PDE4D: variants seen among roughly 807,000 people sequenced by gnomAD.
PDE4D encodes 3',5'-cyclic-AMP phosphodiesterase 4D.
In PDE4D, 24 loss-of-function variants were observed where a neutral mutation model predicts 87.4. The ratio of observed to expected loss-of-function variants is 0.27; its 90% confidence interval spans 0.20 to 0.39. The LOEUF is 0.39. Ranked by LOEUF, PDE4D falls within the 10% of genes least tolerant of loss-of-function variation. The pLI, the probability that PDE4D is intolerant of heterozygous loss-of-function variation, is 1.00. For missense variants in PDE4D, 714 were observed against 1,041.0 expected, an observed-to-expected ratio of 0.69 and a Z score of 4.32; for synonymous variants, 384 against 383.2, an observed-to-expected ratio of 1.00 and a Z score of -0.02.
chr5:59,117,363 A>T (rs1268036952), intron 5 of PDE4D, among the ~76,000 whole-genome samples: 1 of 152,230 alleles, frequency 6.6e-6, no homozygotes, highest in Non-Finnish European at 1.5e-5. Flanking sequence ...ACTTTAATGT[A>T]ACAAAATGTA....
At chr5:59,122,259 C>T (rs1774671359) in intron 5 of PDE4D, among the ~76,000 whole-genome samples, 1 of 150,650 alleles carries the variant, frequency 6.6e-6, no homozygotes, top group Non-Finnish European at 1.5e-5. Flanking sequence ...TTTACAGCAA[C>T]ATGGATGGAA....
rs567664823 is a variant in PDE4D at position 59,275,276 on chromosome 5, C to T, written c.456-59308G>A. 1,262 of 1,304,572 alleles carry T rather than the reference C, an allele frequency of 9.7e-4. 20 individuals are homozygous for T. In the South Asian group the frequency reaches 0.015, roughly 15 times the overall value. 80.8% of individuals were successfully genotyped at this position (1,304,572 alleles called of 1,614,324 possible). On this transcript the variant is annotated intron_variant, in intron 1 of 14. Transcript: ENST00000340635. ...TCGACATCACACAACTTACTAAATACTCAAGGAGTACGTCAATCTTAAAAG... is the reference window on the plus strand; with the variant it reads ...TCGACATCACACAACTTACTAAATATTCAAGGAGTACGTCAATCTTAAAAG...
chr5:59,114,539 A>C (rs1184174516), intron 5 of PDE4D, among the ~76,000 whole-genome samples: 2 of 152,112 alleles, frequency 1.3e-5, no homozygotes, highest in African/African-American at 2.4e-5. Flanking sequence ...TTTCTATATA[A>C]ATTTAGGGGC....
intron 1 of PDE4D, among the ~76,000 whole-genome samples, chr5:59,730,678 G>C (rs554636551): frequency 6.6e-6 from 1 of 152,154 alleles, no homozygotes; most frequent in South Asian, 2.1e-4. Flanking sequence ...GTGGCTTCCA[G>C]GGTTTAATTT....
chr5:59,103,078 C>G (rs187984896), intron 5 of PDE4D, among the ~76,000 whole-genome samples: 1 of 152,224 alleles, frequency 6.6e-6, no homozygotes, highest in East Asian at 1.9e-4. Flanking sequence ...ACTGATCTGG[C>G]CAATATGGTA....
intron 1 of PDE4D, among the ~76,000 whole-genome samples, chr5:59,580,877 A>AT (rs950761401): frequency 9.9e-5 from 15 of 151,334 alleles, no homozygotes; most frequent in Middle Eastern, 6.8e-3. Flanking sequence ...TTTTTAAATT[A>AT]TTTTTTTTTA....
chr5:60,264,313 G>T (rs1254486195), intron 1 of PDE4D, among the ~76,000 whole-genome samples: 1 of 152,130 alleles, frequency 6.6e-6, no homozygotes, highest in Admixed American at 6.5e-5. Flanking sequence ...TTCCTGACAC[G>T]ACTTGAAGAT....
chr5:59,790,846 G>A (rs1375697653), intron 1 of PDE4D, among the ~76,000 whole-genome samples: 1 of 152,136 alleles, frequency 6.6e-6, no homozygotes, highest in Non-Finnish European at 1.5e-5. Flanking sequence ...ACTACTATGT[G>A]TCCTGTTAAA....
At chr5:59,006,043 C>T (rs867309407) in intron 6 of PDE4D, among the ~76,000 whole-genome samples, 2 of 152,208 alleles carry the variant, frequency 1.3e-5, no homozygotes, top group African/African-American at 4.8e-5. Flanking sequence ...TAGTGAGACA[C>T]GCTTATGTTT....
rs1329442406 is a variant in PDE4D, at chr5:58,973,274, C to A, written c.*1390G>T. The A allele has an allele frequency of 6.6e-6, 1 of 152,102 alleles. No homozygotes were observed. Among genetic ancestry groups the A allele is most frequent in the Non-Finnish European group, 1.5e-5 (1 of 68,014 alleles). 9.4% of individuals were successfully genotyped at this position (152,102 alleles called of 1,614,324 possible). A position where few individuals can be genotyped will look rare whatever the true frequency, so the allele number is the denominator to read the frequency against. On this transcript the variant is annotated 3_prime_UTR_variant, in exon 15 of 15. Transcript: ENST00000340635. Reference sequence around the variant, plus strand: ...CCTCGTGGTTGAAATGAATGTTAACCCTAACTTAACTACCTGTTTCTTTTC... The same window carrying A: ...CCTCGTGGTTGAAATGAATGTTAACACTAACTTAACTACCTGTTTCTTTTC...
intron 1 of PDE4D, among the ~76,000 whole-genome samples, chr5:59,255,441 G>C (rs1760789598): frequency 6.6e-6 from 1 of 152,050 alleles, no homozygotes; most frequent in South Asian, 2.1e-4. Flanking sequence ...GCAGGTAATG[G>C]GGGAGATGGA....
intron 1 of PDE4D, among the ~76,000 whole-genome samples, chr5:60,461,501 C>T (rs577124766): frequency 7.9e-5 from 12 of 152,316 alleles, no homozygotes; most frequent in African/African-American, 2.4e-4. Context: ...AGAAAGTGTT[C>T]ACTGACTTTA....
In PDE4D at chr5:59,686,798, T is replaced by C. The variant is rs192619733; in HGVS notation, c.455+206370A>G. 5.4e-4 allele frequency among the ~76,000 whole-genome samples: 82 copies of C among 152,300 alleles called. 1 individual carries two copies. The highest frequency in any genetic ancestry group is 1.9e-3 in the African/African-American group (80 of 41,586). On this transcript the variant is annotated intron_variant, in intron 1 of 14. Coordinates refer to ENST00000340635, the MANE Select transcript of PDE4D (RefSeq NM_001104631.2). ...TGATTATTTGAAGGTGAGAACTAAATGCTCTTAAGTGAGAAAGATGATGGA... is the reference window on the plus strand; with the variant it reads ...TGATTATTTGAAGGTGAGAACTAAACGCTCTTAAGTGAGAAAGATGATGGA...
intron 1 of PDE4D, among the ~76,000 whole-genome samples, chr5:60,302,425 A>AT (rs1321503384): frequency 7.9e-5 from 12 of 151,766 alleles, no homozygotes; most frequent in African/African-American, 2.4e-4. Flanking sequence ...GAATTTACCC[A>AT]TTTTTTCTAG....
At chr5:59,625,284 G>T (rs771550821) in intron 1 of PDE4D, among the ~76,000 whole-genome samples, 22 of 152,004 alleles carry the variant, frequency 1.4e-4, no homozygotes, top group South Asian at 4.1e-4. Flanking sequence ...AAGGTCACAG[G>T]GGGCTACAGC....
At chr5:59,763,230 C>T (rs79975861) in intron 1 of PDE4D, among the ~76,000 whole-genome samples, 6 of 151,338 alleles carry the variant, frequency 4.0e-5, no homozygotes, top group Admixed American at 6.6e-5. Context: ...TGCTAAATGA[C>T]GAGTTAATGG....
intron 1 of PDE4D, among the ~76,000 whole-genome samples, chr5:59,288,318 T>C (rs1305135635): frequency 2.0e-5 from 3 of 150,130 alleles, no homozygotes; most frequent in Non-Finnish European, 4.5e-5. Context: ...CTGAAAAATG[T>C]CTCAGAGTCT....
intron 1 of PDE4D, among the ~76,000 whole-genome samples, chr5:60,407,059 A>G (rs1421434763): frequency 6.6e-6 from 1 of 152,178 alleles, no homozygotes; most frequent in Non-Finnish European, 1.5e-5. Context: ...GATGTGACGG[A>G]AAAAGCGGAG....
At chr5:60,203,698 G>A (rs1253029206) in intron 1 of PDE4D, among the ~76,000 whole-genome samples, 2 of 152,196 alleles carry the variant, frequency 1.3e-5, no homozygotes, top group Non-Finnish European at 2.9e-5. Flanking sequence ...TAGGTGGAAA[G>A]AATGATCATG....
Sources: allele counts gnomAD v4.1 joint callset (sites outside exome capture counted in the v4.1 genomes callset), GRCh38; gene constraint gnomAD v4.1.1; transcripts MANE v1.5; gene names NCBI Gene and HGNC (gene_info 2026-07-23, HGNC 2026-07-21).